The following GNRHR variants were observed in gnomAD, a reference collection of about 807,000 sequenced individuals.
The protein encoded by GNRHR is gonadotropin releasing hormone receptor.
In GNRHR, 14 loss-of-function variants were observed where a neutral mutation model predicts 28.1. The ratio of observed to expected loss-of-function variants is 0.50; its 90% CI spans 0.33 to 0.78. The LOEUF (loss-of-function observed/expected upper bound fraction) is 0.78, where lower values mean the gene tolerates loss of function less well. GNRHR is among the 30% of genes least tolerant of loss of function. The pLI, the probability that GNRHR is intolerant of heterozygous loss-of-function variation, is 0.02. For missense variants in GNRHR, 366 were observed against 382.1 expected (o/e 0.96, Z 0.35); for synonymous variants, 141 against 140.5 (o/e 1.00, Z -0.02).
chr4:67,743,275 C>G (rs1393440800), intron 2 of GNRHR, among the ~76,000 whole-genome samples: 1 of 152,108 alleles, frequency 6.6e-6, no homozygotes, highest in Non-Finnish European at 1.5e-5. Flanking sequence ...GTTTAATCCT[C>G]AATATCTGTA....
At chr4:67,747,353 T>G (rs991964690) in intron 1 of GNRHR, 1 of 168,230 alleles carries the variant, frequency 5.9e-6, no homozygotes, top group Non-Finnish European at 1.3e-5. Flanking sequence ...TCTGGCCCAA[T>G]GAGTGGAGTT....
chr4:67,742,494 A>C (rs1731678516), intron 2 of GNRHR, among the ~76,000 whole-genome samples: 1 of 152,240 alleles, frequency 6.6e-6, no homozygotes, highest in Non-Finnish European at 1.5e-5. Flanking sequence ...TTCACTTTTC[A>C]TATTAATACA....
intron 1 of GNRHR, among the ~76,000 whole-genome samples, chr4:67,745,052 T>C (rs1731730352): frequency 6.6e-6 from 1 of 152,172 alleles, no homozygotes; most frequent in South Asian, 2.1e-4. Flanking sequence ...ATTTAAACGT[T>C]GTTTGTATTT....
rs1455023243 is a variant in GNRHR at position 67,739,094 on chromosome 4, A to G, written c.*1386T>C. ...AAATATAATGGTATCTTACCTATTTAAAAAATGTTAAATGGCTTAATTTCT... is the reference window on the plus strand; with the variant it reads ...AAATATAATGGTATCTTACCTATTTGAAAAATGTTAAATGGCTTAATTTCT... On this transcript the variant is annotated 3_prime_UTR_variant, in exon 3 of 3. Coordinates refer to ENST00000226413, the MANE Select transcript of GNRHR (RefSeq NM_000406.3). Among the ~76,000 whole-genome samples, 1 of 151,952 alleles carries G rather than the reference A, an allele frequency of 6.6e-6. No homozygotes were observed. The highest frequency in any genetic ancestry group is 1.5e-5 in the Non-Finnish European group (1 of 67,878).
intron 2 of GNRHR, among the ~76,000 whole-genome samples, chr4:67,743,804 G>A (rs770748763): frequency 4.6e-5 from 7 of 152,036 alleles, no homozygotes; most frequent in Non-Finnish European, 7.4e-5. Context: ...ACCATTTTGT[G>A]CTGGCAGGTG....
In GNRHR at chr4:67,754,307, T is replaced by C. The variant is rs1183973752; in HGVS notation, c.29A>G (p.Asn10Ser). The change falls in exon 1 of 3, where the codon AAT becomes AGT. Residue 10 changes from asparagine (N) to serine (S), a missense_variant. By Grantham distance (46) the Asn-to-Ser change is conservative (BLOSUM62 1). Transcript: ENST00000226413. MANSASPEQ[N>S]QNHCSAINNS... The stretch of plus-strand genomic sequence containing the variant: ...GTTGATGGCTGAACAGTGATTTTGA[T>C]TCTGTTCAGGAGAGGCACTGTTTGC... 2 of 1,611,964 alleles carry C rather than the reference T, an allele frequency of 1.2e-6. No homozygotes were observed. Among genetic ancestry groups the C allele is most frequent in the Non-Finnish European group, 1.7e-6 (2 of 1,179,688 alleles).
rs1232621813 is a variant in GNRHR, at chr4:67,739,150, G to A, written c.*1330C>T. On this transcript the variant is annotated 3_prime_UTR_variant, in exon 3 of 3. Coordinates refer to ENST00000226413, the MANE Select transcript of GNRHR (RefSeq NM_000406.3). The stretch of plus-strand genomic sequence containing the variant: ...GACTCTTATGTTTTTCACATTAAAT[G>A]GGTATTATACTCCCATTATTTTCAT... 6.6e-6 allele frequency among the ~76,000 whole-genome samples: 1 copy of A among 151,812 alleles called. No individual in the cohort carries two copies. The highest frequency in any genetic ancestry group is 1.5e-5 in the Non-Finnish European group (1 of 67,866).
intron 1 of GNRHR, among the ~76,000 whole-genome samples, chr4:67,745,107 T>G (rs1731731341): frequency 6.6e-6 from 1 of 152,142 alleles, no homozygotes. Context: ...TGCAAGTGAT[T>G]TTGCTCATAA....
At chr4:67,750,086 A>T (rs918598513) in intron 1 of GNRHR, among the ~76,000 whole-genome samples, 1 of 152,202 alleles carries the variant, frequency 6.6e-6, no homozygotes, top group Non-Finnish European at 1.5e-5. Context: ...AGATGATTTT[A>T]TAAATTGTAT....
At position 67,754,009 on chromosome 4, in the gene GNRHR, A is replaced by G. The variant is rs1731920962; in HGVS notation, c.327T>C (p.Ala109=). The stretch of plus-strand genomic sequence containing the variant: ...TGAGAACTTTGCAGAGTAACTCTCC[A>G]GCATACCATTGGACTGTAATGTTCC... ...GMWNITVQWY[A]GELLCKVLSY... The change falls in exon 1 of 3, where the codon GCT becomes GCC. Residue 109 remains alanine, a synonymous_variant. Coordinates refer to ENST00000226413, the MANE Select transcript of GNRHR (RefSeq NM_000406.3). The G allele has an allele frequency of 1.9e-6, 3 of 1,613,846 alleles. No homozygotes were observed. Among genetic ancestry groups the G allele is most frequent in the Non-Finnish European group, 2.5e-6 (3 of 1,179,686 alleles).
At chr4:67,745,692 A>G (rs1731741085) in intron 1 of GNRHR, among the ~76,000 whole-genome samples, 1 of 152,152 alleles carries the variant, frequency 6.6e-6, no homozygotes, top group South Asian at 2.1e-4. Context: ...AAGGAATACA[A>G]TAATAACTTT....
intron 1 of GNRHR, among the ~76,000 whole-genome samples, chr4:67,753,417 A>G (rs1422011902): frequency 6.6e-6 from 1 of 152,240 alleles, no homozygotes; most frequent in Admixed American, 6.5e-5. Context: ...TATCTCAACT[A>G]AACATTAAAG....
At chr4:67,742,262 C>G (rs1422630373) in intron 2 of GNRHR, among the ~76,000 whole-genome samples, 1 of 152,162 alleles carries the variant, frequency 6.6e-6, no homozygotes, top group African/African-American at 2.4e-5. Flanking sequence ...TTTCATTCTT[C>G]TACACATGGC....
At chr4:67,746,686 ATTCTT>A (rs1383021997) in intron 1 of GNRHR, among the ~76,000 whole-genome samples, 1 of 151,920 alleles carries the variant, frequency 6.6e-6, no homozygotes, top group Non-Finnish European at 1.5e-5. Flanking sequence ...AAGAAACATG[ATTCTT>A]TTCTACCCTA....
intron 1 of GNRHR, among the ~76,000 whole-genome samples, chr4:67,748,476 A>G (rs114840173): frequency 0.032 from 4,799 of 152,140 alleles, 116 homozygotes; most frequent in Non-Finnish European, 0.048. Context: ...TGTATCATAT[A>G]TATTTTTTTC....
intron 1 of GNRHR, among the ~76,000 whole-genome samples, chr4:67,746,798 C>A (rs1184031597): frequency 6.6e-6 from 1 of 151,810 alleles, no homozygotes; most frequent in Admixed American, 6.6e-5. Context: ...GGGAAAGAAA[C>A]CTTGGCCCTG....
chr4:67,740,530 A>G lies in GNRHR; in HGVS notation c.937T>C (p.Phe313Leu), dbSNP rs756644615. The change falls in exon 3 of 3, where the codon TTT (phenylalanine) becomes CTT (leucine). Residue 313 changes from phenylalanine (F) to leucine (L), a missense_variant. By Grantham distance (22) the Phe-to-Leu change is conservative. Coordinates refer to ENST00000226413, the MANE Select transcript of GNRHR (RefSeq NM_000406.3). ...PVNHFFFLFAFLNPCFDPLIY... is the reference protein window; with the variant it reads ...PVNHFFFLFALLNPCFDPLIY... ...AGTGGATCAAAGCATGGGTTTAAAAAGGCAAAGAGAAAGAAGAAGTGATTT... is the reference window on the plus strand; with the variant it reads ...AGTGGATCAAAGCATGGGTTTAAAAGGGCAAAGAGAAAGAAGAAGTGATTT... 5 of 1,606,786 alleles carry G rather than the reference A, an allele frequency of 3.1e-6. No individual in the cohort carries two copies. The highest frequency in any genetic ancestry group is 1.7e-4 in the Middle Eastern group (1 of 6,046).
intron 1 of GNRHR, chr4:67,751,847 C>T (rs1425533879): frequency 2.6e-5 from 4 of 152,162 alleles, no homozygotes; most frequent in African/African-American, 9.7e-5. Context: ...ATATTGCCAA[C>T]AGTCATGTCC....
At chr4:67,748,449 TTA>T (rs1226074215) in intron 1 of GNRHR, among the ~76,000 whole-genome samples, 16 of 152,138 alleles carry the variant, frequency 1.1e-4, no homozygotes, top group African/African-American at 3.9e-4. Context: ...CCATATGCGT[TTA>T]TATGTTTATA....
Sources: allele counts gnomAD v4.1 joint callset (sites outside exome capture counted in the v4.1 genomes callset), GRCh38; gene constraint gnomAD v4.1.1; transcripts MANE v1.5; gene names NCBI Gene and HGNC (gene_info 2026-07-23, HGNC 2026-07-21).